The following ADAMTSL3 variants were observed in gnomAD, a reference collection of about 807,000 sequenced individuals.
The protein encoded by ADAMTSL3 is ADAMTS like 3.
In ADAMTSL3, 128 loss-of-function variants were observed where a neutral mutation model predicts 201.7. That is an observed-to-expected ratio of 0.63 (90% CI 0.55 to 0.73). The LOEUF is 0.73. Among genes scored for constraint, ADAMTSL3 ranks in the 30% least tolerant of loss-of-function variants. ADAMTSL3 has a pLI of 0.00. For missense variants in ADAMTSL3, 1,990 were observed against 2,119.6 expected (o/e 0.94, Z 1.20); for synonymous variants, 738 against 748.4 (o/e 0.99, Z 0.23).
intron 17 of ADAMTSL3, among the ~76,000 whole-genome samples, chr15:83,931,587 A>G (rs1190449079): frequency 6.6e-6 from 1 of 152,232 alleles, no homozygotes; most frequent in African/African-American, 2.4e-5. Context: ...GAATTTAGAT[A>G]TTATCAATTA....
intron 6 of ADAMTSL3, among the ~76,000 whole-genome samples, chr15:83,835,796 G>C (rs1274532524): frequency 6.6e-6 from 1 of 152,202 alleles, no homozygotes; most frequent in Non-Finnish European, 1.5e-5. Flanking sequence ...TTAATTTAAT[G>C]GCCTGTGTAA....
intron 20 of ADAMTSL3, among the ~76,000 whole-genome samples, chr15:83,977,520 G>T (rs922493365): frequency 2.0e-5 from 3 of 152,102 alleles, no homozygotes; most frequent in African/African-American, 7.2e-5. Context: ...AGAGATAGTG[G>T]CTGTGCATTG....
chr15:83,821,639 CCTCT>C (rs1484059987), intron 6 of ADAMTSL3, among the ~76,000 whole-genome samples: 1 of 151,980 alleles, frequency 6.6e-6, no homozygotes. Flanking sequence ...CCCATGTCTA[CCTCT>C]TTCTACACAG....
Position 83,988,598 on chromosome 15 carries a change from G to A in ADAMTSL3, c.3717-93G>A. On this transcript the variant is annotated intron_variant, in intron 21 of 29. Transcript: ENST00000286744. ...TGTGAGCTTTGCCAGCCCAAAGCCT[G>A]TAATGGTGCAGTCTTCTTTCTCTGC... 3 of 1,177,348 alleles carry A rather than the reference G, an allele frequency of 2.5e-6. No individual in the cohort carries two copies. The African/African-American group carries it at 4.6e-5, about 18-fold the overall frequency. 72.9% of individuals were successfully genotyped at this position (1,177,348 alleles called of 1,614,324 possible). A position where few individuals can be genotyped will look rare whatever the true frequency, so the allele number is the denominator to read the frequency against.
chr15:83,860,916 G>A (rs1596324845), intron 8 of ADAMTSL3, among the ~76,000 whole-genome samples: 1 of 152,212 alleles, frequency 6.6e-6, no homozygotes, highest in East Asian at 1.9e-4. Context: ...CCCTTTCCTA[G>A]TCAAAGAAAG....
intron 3 of ADAMTSL3, among the ~76,000 whole-genome samples, chr15:83,717,950 A>G (rs1297695168): frequency 6.6e-6 from 1 of 152,200 alleles, no homozygotes; most frequent in Non-Finnish European, 1.5e-5. Context: ...AAATGTGATC[A>G]TTTGGTTTTT....
intron 21 of ADAMTSL3, among the ~76,000 whole-genome samples, chr15:83,985,565 A>C (rs2067459881): frequency 6.6e-6 from 1 of 152,084 alleles, no homozygotes. Flanking sequence ...GATATGAAAA[A>C]CGTATGGACC....
At position 84,038,300 on chromosome 15, in the gene ADAMTSL3, T is replaced by C. The variant is rs1428912159; in HGVS notation, c.*494T>C. ...GATGTTGGCATTAATGGCATTTTCA[T>C]AGATCCTTGGTTTAGTCTGTGAAAA... On this transcript the variant is annotated 3_prime_UTR_variant, in exon 30 of 30. Transcript: ENST00000286744. The C allele has an allele frequency of 6.5e-6, 1 of 153,342 alleles. No individual in the cohort carries two copies. The highest frequency in any genetic ancestry group is 2.4e-5 in the African/African-American group (1 of 41,468). The allele number at this position is 153,342 out of a possible 1,614,324, so 9.5% of individuals were successfully genotyped here.
chr15:83,892,532 CAAA>C, intron 12 of ADAMTSL3, 149 bp from the exon 13 acceptor site: 1 of 747,768 alleles, frequency 1.3e-6, no homozygotes, highest in East Asian at 2.8e-5. Flanking sequence ...TCTGTCTCAA[CAAA>C]AAAAAGTATA....
intron 4 of ADAMTSL3, among the ~76,000 whole-genome samples, chr15:83,796,076 C>T (rs1449737214): frequency 6.6e-6 from 1 of 152,192 alleles, no homozygotes; most frequent in Non-Finnish European, 1.5e-5. Flanking sequence ...AAGGTATACT[C>T]TCAATGTACA....
chr15:83,905,276 A>G (rs1033484386), intron 15 of ADAMTSL3, among the ~76,000 whole-genome samples: 6 of 152,230 alleles, frequency 3.9e-5, no homozygotes, highest in African/African-American at 1.4e-4. Flanking sequence ...AATGCATTAT[A>G]ATTACGTTAT....
At position 84,038,264 on chromosome 15, in the gene ADAMTSL3, G is replaced by A. The variant is rs1337598053; in HGVS notation, c.*458G>A. 1 of 154,096 alleles carries A rather than the reference G, an allele frequency of 6.5e-6. No homozygotes were observed. Among genetic ancestry groups the A allele is most frequent in the Admixed American group, 6.4e-5 (1 of 15,510 alleles). 9.5% of individuals were successfully genotyped at this position (154,096 alleles called of 1,614,324 possible). On this transcript the variant is annotated 3_prime_UTR_variant, in exon 30 of 30. Coordinates refer to ENST00000286744, the MANE Select transcript of ADAMTSL3 (RefSeq NM_207517.3). ...ATTTGCATTTTAGAAGCTCTGGCCA[G>A]TAGTTGTTAAGATGTTGGCATTAAT...
Position 83,714,593 on chromosome 15 carries a change from G to A in ADAMTSL3, c.189+10085G>A, listed in dbSNP as rs537728627. Among the ~76,000 whole-genome samples the A allele has an allele frequency of 3.3e-5, 5 of 151,936 alleles. No homozygotes were observed. The East Asian group carries it at 5.8e-4, about 18-fold the overall frequency. On this transcript the variant is annotated intron_variant, in intron 3 of 29. Coordinates refer to ENST00000286744, the MANE Select transcript of ADAMTSL3 (RefSeq NM_207517.3). ...GAAGTAAGGCCACCTTCACTTACACGCGCAGGTGAGATTAGGTCCACCTGC... is the reference window on the plus strand; with the variant it reads ...GAAGTAAGGCCACCTTCACTTACACACGCAGGTGAGATTAGGTCCACCTGC...
chr15:83,773,404 C>G (rs1314654810), intron 3 of ADAMTSL3, 119 bp from the exon 4 acceptor site: 2 of 1,146,426 alleles, frequency 1.7e-6, no homozygotes, highest in South Asian at 1.5e-5. Flanking sequence ...AGCTCTGTCT[C>G]AATTAAAAAA....
In ADAMTSL3 at chr15:83,738,946, A is replaced by C. The variant is rs1326760049; in HGVS notation, c.189+34438A>C. On this transcript the variant is annotated intron_variant, in intron 3 of 29. Transcript: ENST00000286744. ...AATTAGTTATTATTTCCAGTCCACA[A>C]GAAAAAAAATAAAATAAAATAAAAT... is the stretch of plus-strand genomic sequence containing the variant. 2.9e-5 allele frequency among the ~76,000 whole-genome samples: 4 copies of C among 139,750 alleles called. No homozygotes were observed. The East Asian group carries it at 8.5e-4, about 30-fold the overall frequency. The allele number at this position is 139,750 out of a possible 152,430, so 91.7% of individuals were successfully genotyped here. A position where few individuals can be genotyped will look rare whatever the true frequency, so the allele number is the denominator to read the frequency against.
Position 83,884,338 on chromosome 15 carries a change from C to CCT in ADAMTSL3, c.961-763_961-762insCT, listed in dbSNP as rs1305026027. On this transcript the variant is annotated intron_variant, in intron 9 of 29. Transcript: ENST00000286744. Reference sequence around the variant, plus strand: ...TGTTACCTCATTGGTGCCCTATTTCCTTTTTTTTTTTTTTTTTTTTTTGAG... The same window carrying CCT: ...TGTTACCTCATTGGTGCCCTATTTCCCTTTTTTTTTTTTTTTTTTTTTTTGAG... 1.9e-3 allele frequency among the ~76,000 whole-genome samples: 216 copies of CCT among 114,424 alleles called. 27 individuals carry two copies. The highest frequency in any genetic ancestry group is 3.5e-3 in the African/African-American group (100 of 28,902). The allele number at this position is 114,424 out of a possible 152,430, so 75.1% of individuals were successfully genotyped here.
intron 4 of ADAMTSL3, among the ~76,000 whole-genome samples, chr15:83,780,114 T>A (rs1355785240): frequency 6.6e-6 from 1 of 151,758 alleles, no homozygotes; most frequent in Non-Finnish European, 1.5e-5. Context: ...AAAAAACCAT[T>A]CGAAAGATCA....
intron 19 of ADAMTSL3, among the ~76,000 whole-genome samples, chr15:83,949,785 G>A (rs1408024039): frequency 1.3e-5 from 2 of 152,022 alleles, no homozygotes; most frequent in Non-Finnish European, 2.9e-5. Context: ...CTTGTCATAT[G>A]CCTGCTTGCC....
chr15:83,944,259 C>T lies in ADAMTSL3; in HGVS notation c.2490+1177C>T, dbSNP rs560230662. On this transcript the variant is annotated intron_variant, in intron 19 of 29. Coordinates refer to ENST00000286744, the MANE Select transcript of ADAMTSL3 (RefSeq NM_207517.3). Reference sequence around the variant, plus strand: ...TCTTGCACTCATGGCTCTCTTACTCCAGTCCTTATTCTTCTTCCAGCCCTT... The same window carrying T: ...TCTTGCACTCATGGCTCTCTTACTCTAGTCCTTATTCTTCTTCCAGCCCTT... 9.8e-5 allele frequency among the ~76,000 whole-genome samples: 15 copies of T among 152,308 alleles called. No homozygotes were observed. In the East Asian group the frequency reaches 1.5e-3, roughly 16 times the overall value.
Sources: allele counts gnomAD v4.1 joint callset (sites outside exome capture counted in the v4.1 genomes callset), GRCh38; gene constraint gnomAD v4.1.1; transcripts MANE v1.5; gene names NCBI Gene and HGNC (gene_info 2026-07-23, HGNC 2026-07-21).